The following LRRTM4 variants were observed in gnomAD, a reference collection of about 807,000 sequenced individuals.
The protein encoded by LRRTM4 is leucine-rich repeat transmembrane neuronal protein 4.
Under a neutral mutation model 47.6 loss-of-function variants are expected in LRRTM4, and 25 were observed. That is an observed-to-expected ratio of 0.53 (90% CI 0.38 to 0.73). LRRTM4 has a LOEUF of 0.73. Ranked by LOEUF, LRRTM4 falls within the 30% of genes least tolerant of loss-of-function variation. The probability of loss-of-function intolerance (pLI) is 0.00; values close to 1 mark genes in which losing one functional copy is unlikely to be tolerated. For missense variants in LRRTM4, 638 were observed against 713.4 expected (o/e 0.89, Z 1.20); for synonymous variants, 311 against 269.5 (o/e 1.15, Z -1.51).
At chr2:77,140,313 T>C (rs1375483471) in intron 3 of LRRTM4, among the ~76,000 whole-genome samples, 8 of 152,058 alleles carry the variant, frequency 5.3e-5, no homozygotes, top group Admixed American at 3.9e-4. Flanking sequence ...CCTTCAGAAA[T>C]AATACCACAC....
At chr2:77,129,171 G>A (rs1671730083) in intron 3 of LRRTM4, among the ~76,000 whole-genome samples, 1 of 152,176 alleles carries the variant, frequency 6.6e-6, no homozygotes. Flanking sequence ...TGTCAAGTAA[G>A]TGACTGACTA....
intron 2 of LRRTM4, among the ~76,000 whole-genome samples, chr2:77,521,126 C>T (rs1189457623): frequency 1.3e-5 from 2 of 151,738 alleles, no homozygotes; most frequent in Non-Finnish European, 2.9e-5. Context: ...CCAGCTCTCC[C>T]AGACAGGAGA....
chr2:77,132,755 G>C (rs1394688353), intron 3 of LRRTM4, among the ~76,000 whole-genome samples: 1 of 152,126 alleles, frequency 6.6e-6, no homozygotes, highest in Non-Finnish European at 1.5e-5. Context: ...AGCTCCTAAA[G>C]TCCCCTCCTC....
chr2:76,937,122 C>G (rs1191153067), intron 3 of LRRTM4, among the ~76,000 whole-genome samples: 2 of 151,908 alleles, frequency 1.3e-5, no homozygotes, highest in African/African-American at 4.8e-5. Context: ...AAACTACAGT[C>G]TTGGTGATGG....
chr2:77,045,209 T>G (rs965418493), intron 3 of LRRTM4, among the ~76,000 whole-genome samples: 6 of 151,924 alleles, frequency 3.9e-5, no homozygotes, highest in Non-Finnish European at 8.8e-5. Context: ...CATTCTTACT[T>G]TTTAAATGTT....
At chr2:77,278,299 C>A (rs1287113302) in intron 3 of LRRTM4, among the ~76,000 whole-genome samples, 3 of 151,786 alleles carry the variant, frequency 2.0e-5, no homozygotes, top group African/African-American at 4.8e-5. Context: ...TGAAACATTT[C>A]AAAAATATTA....
intron 3 of LRRTM4, among the ~76,000 whole-genome samples, chr2:77,468,779 T>A (rs1012761612): frequency 2.0e-5 from 3 of 152,110 alleles, no homozygotes; most frequent in Non-Finnish European, 4.4e-5. Flanking sequence ...CAAACTCTCA[T>A]GATGTGAAGT....
intron 3 of LRRTM4, among the ~76,000 whole-genome samples, chr2:76,936,600 A>G (rs1165875291): frequency 1.3e-5 from 2 of 150,098 alleles, no homozygotes; most frequent in African/African-American, 4.9e-5. Context: ...AAAAAAAAAA[A>G]AGAAAGAAAA....
intron 3 of LRRTM4, among the ~76,000 whole-genome samples, chr2:76,763,700 A>G (rs1462724377): frequency 1.2e-4 from 19 of 152,218 alleles, no homozygotes; most frequent in Non-Finnish European, 5.9e-5. Context: ...TCATGGGTAG[A>G]GGCCAGAAGA....
chr2:77,076,957 A>C lies in LRRTM4; in HGVS notation c.1552-328041T>G, dbSNP rs190700879. On this transcript the variant is annotated intron_variant, in intron 3 of 3. Coordinates refer to ENST00000409884, the MANE Select transcript of LRRTM4 (RefSeq NM_001134745.3). Reference sequence around the variant, plus strand: ...TATTTCCCCTAGCAGTAATGAGGTAAACAATAACATCAACAACAATAAAAA... The same window carrying C: ...TATTTCCCCTAGCAGTAATGAGGTACACAATAACATCAACAACAATAAAAA... Among the ~76,000 whole-genome samples the C allele has an allele frequency of 4.6e-5, 7 of 152,242 alleles. No homozygotes were observed. The East Asian group carries it at 1.4e-3, about 29-fold the overall frequency.
intron 3 of LRRTM4, among the ~76,000 whole-genome samples, chr2:77,446,040 T>G (rs1341551357): frequency 2.0e-5 from 3 of 152,038 alleles, no homozygotes; most frequent in Admixed American, 6.6e-5. Context: ...GAGACAGGGT[T>G]GGGGACTGAT....
At chr2:77,310,855 C>T (rs1677432013) in intron 3 of LRRTM4, among the ~76,000 whole-genome samples, 1 of 152,046 alleles carries the variant, frequency 6.6e-6, no homozygotes, top group Non-Finnish European at 1.5e-5. Context: ...CATATACACA[C>T]ACACATATAT....
intron 3 of LRRTM4, among the ~76,000 whole-genome samples, chr2:77,306,658 T>C (rs939695974): frequency 1.3e-5 from 2 of 152,084 alleles, no homozygotes; most frequent in Admixed American, 1.3e-4. Context: ...CCTTTCCAAG[T>C]TGGGATGTGA....
chr2:77,016,074 C>T (rs1678057655), intron 3 of LRRTM4, among the ~76,000 whole-genome samples: 1 of 151,856 alleles, frequency 6.6e-6, no homozygotes, highest in East Asian at 1.9e-4. Flanking sequence ...GAATGAGATT[C>T]TGTCTCCAAA....
intron 3 of LRRTM4, among the ~76,000 whole-genome samples, chr2:77,077,491 T>C (rs893587459): frequency 7.9e-5 from 12 of 152,132 alleles, no homozygotes; most frequent in African/African-American, 2.7e-4. Flanking sequence ...TATGAATATA[T>C]CTCCTTTAGA....
chr2:76,895,851 C>T (rs1187617594), intron 3 of LRRTM4, among the ~76,000 whole-genome samples: 1 of 152,050 alleles, frequency 6.6e-6, no homozygotes, highest in Admixed American at 6.6e-5. Context: ...CTTACCTTGA[C>T]AACTGAATTA....
At chr2:76,792,677 G>C (rs946525557) in intron 3 of LRRTM4, among the ~76,000 whole-genome samples, 8 of 150,998 alleles carry the variant, frequency 5.3e-5, no homozygotes, top group African/African-American at 2.0e-4. Flanking sequence ...ACTAGATGAA[G>C]ACCCTCTTAT....
At chr2:77,061,335 C>A (rs539616560) in intron 3 of LRRTM4, among the ~76,000 whole-genome samples, 1 of 152,052 alleles carries the variant, frequency 6.6e-6, no homozygotes, top group Admixed American at 6.6e-5. Context: ...TAAGGCTGCT[C>A]TCAACAGTTC....
chr2:76,857,475 G>C (rs1672188213), intron 3 of LRRTM4, among the ~76,000 whole-genome samples: 1 of 151,890 alleles, frequency 6.6e-6, no homozygotes, highest in Non-Finnish European at 1.5e-5. Flanking sequence ...TAGTAGTTAA[G>C]TTTTGGGGGA....
Sources: allele counts gnomAD v4.1 joint callset (sites outside exome capture counted in the v4.1 genomes callset), GRCh38; gene constraint gnomAD v4.1.1; transcripts MANE v1.5; gene names NCBI Gene and HGNC (gene_info 2026-07-23, HGNC 2026-07-21).